MSRA: variants seen among roughly 807,000 people sequenced by gnomAD.
MSRA encodes the protein methionine sulfoxide reductase A, also known as mitochondrial peptide methionine sulfoxide reductase.
A neutral mutation model predicts 31.3 loss-of-function variants in MSRA; 54 were observed. The observed-to-expected ratio is 1.73, with a 90% CI of 1.39 to 2.17. MSRA has a LOEUF of 2.17. Among genes scored for constraint, MSRA ranks in the 30% most tolerant of loss-of-function variants. MSRA has a pLI of 0.00. For missense variants in MSRA, 507 were observed against 300.9 expected (o/e 1.69, Z -5.07); for synonymous variants, 169 against 116.5 (o/e 1.45, Z -2.90).
Position 10,192,313 on chromosome 8 carries a change from C to T in MSRA, c.143-15520C>T, listed in dbSNP as rs145420134. 2.5e-3 allele frequency among the ~76,000 whole-genome samples: 385 copies of T among 152,250 alleles called. 3 individuals are homozygous for T. Among genetic ancestry groups the T allele is most frequent in the African/African-American group, 8.9e-3 (368 of 41,538 alleles). Reference sequence around the variant, plus strand: ...GAATTTGTGGCTATACCTTTAGAACCAGGGGAGGATCTGCTCTCAAGTTCA... The same window carrying T: ...GAATTTGTGGCTATACCTTTAGAACTAGGGGAGGATCTGCTCTCAAGTTCA... On this transcript the variant is annotated intron_variant, in intron 1 of 5. Transcript: ENST00000317173.
intron 5 of MSRA, among the ~76,000 whole-genome samples, chr8:10,331,760 T>C (rs946523781): frequency 5.9e-5 from 9 of 152,258 alleles, no homozygotes; most frequent in South Asian, 2.1e-4. Context: ...ATATAACCTA[T>C]GCACATCCTC....
intron 5 of MSRA, among the ~76,000 whole-genome samples, chr8:10,363,476 A>C (rs1804971491): frequency 6.6e-6 from 1 of 152,042 alleles, no homozygotes; most frequent in Non-Finnish European, 1.5e-5. Flanking sequence ...TTCCCTTAGC[A>C]CGTGATCCAT....
chr8:10,068,298 G>A (rs1563393067), intron 1 of MSRA, among the ~76,000 whole-genome samples: 1 of 152,000 alleles, frequency 6.6e-6, no homozygotes, highest in South Asian at 2.1e-4. Context: ...CAGTATCTTT[G>A]GGAAAGGAGA....
Position 10,301,615 on chromosome 8 carries a change from G to A in MSRA, c.413G>A (p.Trp138Ter). ...TTTGAGGAACTGCTCAAGGTCTTCT[G>A]GGAGAATCACGACCCGACCCAAGGT... ...MSFEELLKVF[W>*]ENHDPTQGMR... The change falls in exon 4 of 6, where the codon TGG becomes TAG. Residue 138 changes from tryptophan to a stop codon, truncating the protein, a stop_gained. Coordinates refer to ENST00000317173, the MANE Select transcript of MSRA (RefSeq NM_012331.5). LOFTEE classifies it high-confidence loss of function. The A allele has an allele frequency of 6.2e-7, 1 of 1,614,108 alleles. No homozygotes were observed. The highest frequency in any genetic ancestry group is 8.5e-7 in the Non-Finnish European group (1 of 1,180,004).
chr8:10,384,281 C>T (rs146886406), intron 5 of MSRA, among the ~76,000 whole-genome samples: 1 of 152,278 alleles, frequency 6.6e-6, no homozygotes, highest in Non-Finnish European at 1.5e-5. Context: ...GCTCTGACGC[C>T]GTCAAATCCA....
intron 3 of MSRA, among the ~76,000 whole-genome samples, chr8:10,286,547 G>T (rs568330676): frequency 1.8e-4 from 28 of 152,318 alleles, no homozygotes; most frequent in African/African-American, 6.7e-4. Context: ...AAGTTGCCCA[G>T]TCTTGGGTAT....
At chr8:10,404,324 G>C (rs1045566809) in intron 5 of MSRA, among the ~76,000 whole-genome samples, 2 of 152,160 alleles carry the variant, frequency 1.3e-5, no homozygotes, top group African/African-American at 4.8e-5. Flanking sequence ...GACAACACTA[G>C]ATGCCTTTCT....
intron 5 of MSRA, among the ~76,000 whole-genome samples, chr8:10,402,873 A>T (rs1009803732): frequency 1.3e-5 from 2 of 152,260 alleles, no homozygotes; most frequent in African/African-American, 4.8e-5. Flanking sequence ...AAGGGTCCCA[A>T]CATGGGTAAT....
At chr8:10,341,755 A>G (rs894708149) in intron 5 of MSRA, among the ~76,000 whole-genome samples, 1 of 152,308 alleles carries the variant, frequency 6.6e-6, no homozygotes. Context: ...CGTAAGTGAG[A>G]TGACATGTGC....
At chr8:10,291,460 C>T (rs61518194) in intron 3 of MSRA, among the ~76,000 whole-genome samples, 1 of 151,900 alleles carries the variant, frequency 6.6e-6, no homozygotes, top group Non-Finnish European at 1.5e-5. Context: ...AGACACTCCT[C>T]AAATCCTATA....
In MSRA at chr8:10,091,106, G is replaced by A. The variant is rs553806728; in HGVS notation, c.142+36448G>A. On this transcript the variant is annotated intron_variant, in intron 1 of 5. Transcript: ENST00000317173. ...TGATTGAGTTTTATATGTTGGACTG[G>A]TCTTCTTTTCCTAGGATAAATCCCA... Among the ~76,000 whole-genome samples, 10 of 152,274 alleles carry A rather than the reference G, an allele frequency of 6.6e-5. No homozygotes were observed. In the East Asian group the frequency reaches 1.5e-3, roughly 23 times the overall value.
At chr8:10,301,766 T>A (rs1473813698) in intron 4 of MSRA, 128 bp downstream of exon 4, 1 of 763,332 alleles carries the variant, frequency 1.3e-6, no homozygotes, top group South Asian at 1.9e-5. Context: ...TTGCAGACAT[T>A]TATTGACGGA....
chr8:10,293,385 A>G (rs1800352527), intron 3 of MSRA, among the ~76,000 whole-genome samples: 1 of 152,154 alleles, frequency 6.6e-6, no homozygotes, highest in Admixed American at 6.5e-5. Flanking sequence ...CCGCCCCACA[A>G]GTCATCTGCC....
intron 3 of MSRA, among the ~76,000 whole-genome samples, chr8:10,300,547 C>T (rs1800787578): frequency 6.6e-6 from 1 of 152,140 alleles, no homozygotes; most frequent in Non-Finnish European, 1.5e-5. Context: ...TCCACCACCA[C>T]ACCCAGCTAA....
At chr8:10,106,643 A>G (rs911014926) in intron 1 of MSRA, among the ~76,000 whole-genome samples, 5 of 152,190 alleles carry the variant, frequency 3.3e-5, no homozygotes, top group African/African-American at 1.2e-4. Context: ...TAGCAATGCT[A>G]GAGTTTAAAT....
chr8:10,069,860 C>T (rs752462450), intron 1 of MSRA, among the ~76,000 whole-genome samples: 62 of 152,142 alleles, frequency 4.1e-4, no homozygotes, highest in Non-Finnish European at 6.0e-4. Context: ...TTAATATGTT[C>T]TTTTTAATGG....
intron 2 of MSRA, among the ~76,000 whole-genome samples, chr8:10,234,925 G>A (rs1811823491): frequency 6.6e-6 from 1 of 151,952 alleles, no homozygotes; most frequent in Non-Finnish European, 1.5e-5. Context: ...CTGTGTAAAA[G>A]AAAAACTGAC....
At chr8:10,145,188 G>A (rs1405814943) in intron 1 of MSRA, among the ~76,000 whole-genome samples, 3 of 152,210 alleles carry the variant, frequency 2.0e-5, no homozygotes, top group Non-Finnish European at 4.4e-5. Context: ...GGCCTATGCA[G>A]TGCGAGGCGA....
chr8:10,333,863 C>T (rs1180163097), intron 5 of MSRA, among the ~76,000 whole-genome samples: 1 of 152,110 alleles, frequency 6.6e-6, no homozygotes, highest in East Asian at 1.9e-4. Context: ...GGCAACATTC[C>T]ATGAGCACTT....
Sources: allele counts gnomAD v4.1 joint callset (sites outside exome capture counted in the v4.1 genomes callset), GRCh38; gene constraint gnomAD v4.1.1; transcripts MANE v1.5; gene names NCBI Gene and HGNC (gene_info 2026-07-23, HGNC 2026-07-21).